The following MMD variants were observed in gnomAD, a reference collection of about 807,000 sequenced individuals.
MMD encodes monocyte to macrophage differentiation associated.
Under a neutral mutation model 33.6 loss-of-function variants are expected in MMD, and 22 were observed. The ratio of observed to expected loss-of-function variants is 0.66; its 90% CI spans 0.47 to 0.94. The LOEUF is 0.94. Ranked by LOEUF, MMD falls within the 40% of genes least tolerant of loss-of-function variation. MMD has a pLI of 0.00. For missense variants in MMD, 242 were observed against 309.8 expected (o/e 0.78, Z 1.64); for synonymous variants, 97 against 103.2 (o/e 0.94, Z 0.36).
In MMD at chr17:55,394,233, G is replaced by A. The variant is rs191010127; in HGVS notation, c.*101C>T. ...TATATTCAAAAGATATAAAGTCAGT[G>A]CAGTTATTTTTTTTCTTTCCCTGTG... On this transcript the variant is annotated 3_prime_UTR_variant, in exon 7 of 7. Transcript: ENST00000262065. 2.7e-4 allele frequency: 226 copies of A among 825,868 alleles called. 1 individual carries two copies. In the African/African-American group the frequency reaches 3.6e-3, roughly 13 times the overall value. 51.2% of individuals were successfully genotyped at this position (825,868 alleles called of 1,614,324 possible).
At position 55,398,969 on chromosome 17, in the gene MMD, G is replaced by A. The variant is rs139067226; in HGVS notation, c.516+2500C>T. Among the ~76,000 whole-genome samples, 632 of 152,282 alleles carry A rather than the reference G, an allele frequency of 4.2e-3. 6 individuals are homozygous for A. Among genetic ancestry groups the A allele is most frequent in the African/African-American group, 0.015 (612 of 41,538 alleles). On this transcript the variant is annotated intron_variant, in intron 6 of 6. Coordinates refer to ENST00000262065, the MANE Select transcript of MMD (RefSeq NM_012329.3). ...CGTACAACATTCAGCTTGATATCTG[G>A]ACAACGACTCACGGAAACTGCTTCA...
At chr17:55,396,872 C>T (rs1186218489) in intron 6 of MMD, among the ~76,000 whole-genome samples, 1 of 152,148 alleles carries the variant, frequency 6.6e-6, no homozygotes, top group African/African-American at 2.4e-5. Flanking sequence ...ACCTCGGCCT[C>T]CCAAAGTGCT....
chr17:55,403,706 G>A (rs1454146785), intron 5 of MMD, 61 bp downstream of exon 5: 2 of 1,182,078 alleles, frequency 1.7e-6, no homozygotes, highest in Non-Finnish European at 2.5e-6. Context: ...TTGTATTGCA[G>A]TGCAGATAAT....
At chr17:55,401,625 G>T in intron 5 of MMD, 87 bp from the exon 6 acceptor site, 1 of 1,138,194 alleles carries the variant, frequency 8.8e-7, no homozygotes, top group Non-Finnish European at 1.3e-6. Context: ...TTTTACTTTT[G>T]AGAAAGAAAT....
intron 1 of MMD, among the ~76,000 whole-genome samples, chr17:55,416,647 T>C (rs9912452): frequency 0.027 from 4,163 of 152,214 alleles, 207 homozygotes; most frequent in African/African-American, 0.096. Flanking sequence ...AAATCACTCC[T>C]AAAACCTAAA....
chr17:55,396,842 C>T (rs971302502), intron 6 of MMD, among the ~76,000 whole-genome samples: 1 of 151,894 alleles, frequency 6.6e-6, no homozygotes, highest in African/African-American at 2.4e-5. Context: ...GTCTCGAACT[C>T]CTGACCTCGT....
chr17:55,401,447 A>C (rs1249401875), intron 6 of MMD, 22 bp downstream of exon 6: 2 of 1,575,452 alleles, frequency 1.3e-6, no homozygotes, highest in Non-Finnish European at 1.7e-6. Flanking sequence ...AAAATAACTA[A>C]AATTCTGAAG....
At chr17:55,396,837 G>T (rs1021158003) in intron 6 of MMD, among the ~76,000 whole-genome samples, 1 of 151,726 alleles carries the variant, frequency 6.6e-6, no homozygotes, top group Non-Finnish European at 1.5e-5. Context: ...GGCTGGTCTC[G>T]AACTCCTGAC....
chr17:55,419,316 T>C (rs1324694073), intron 1 of MMD, among the ~76,000 whole-genome samples: 1 of 152,232 alleles, frequency 6.6e-6, no homozygotes, highest in Non-Finnish European at 1.5e-5. Context: ...TTTGTCTATG[T>C]GTGTGTAGGT....
chr17:55,399,079 C>G (rs896332428), intron 6 of MMD, among the ~76,000 whole-genome samples: 3 of 152,196 alleles, frequency 2.0e-5, no homozygotes, highest in Non-Finnish European at 1.5e-5. Context: ...GTAACCTGAA[C>G]TGTAATTTCT....
In MMD at chr17:55,394,436, G is replaced by A. The variant is rs776895494; in HGVS notation, c.615C>T (p.His205=). Reference sequence around the variant, plus strand: ...TGGCCACAAACAGGTGCCAGATGGCGTGGGCAAATGGAATGATGCCATCAC... The same window carrying A: ...TGGCCACAAACAGGTGCCAGATGGCATGGGCAAATGGAATGATGCCATCAC... ...FKSDGIIPFA[H]AIWHLFVATA... The change falls in exon 7 of 7, where the codon CAC becomes CAT. Residue 205 remains histidine, a synonymous_variant. Coordinates refer to ENST00000262065, the MANE Select transcript of MMD (RefSeq NM_012329.3). The A allele has an allele frequency of 2.0e-5, 31 of 1,529,096 alleles. No homozygotes were observed. The East Asian group carries it at 2.3e-4, about 11-fold the overall frequency. The allele number at this position is 1,529,096 out of a possible 1,614,324, so 94.7% of individuals were successfully genotyped here. A position where few individuals can be genotyped will look rare whatever the true frequency, so the allele number is the denominator to read the frequency against.
chr17:55,398,111 C>CAAAAA (rs57881926), intron 6 of MMD, among the ~76,000 whole-genome samples: 220 of 132,088 alleles, frequency 1.7e-3, no homozygotes, highest in African/African-American at 5.1e-3. Flanking sequence ...ATTATTTCTT[C>CAAAAA]AAAAAAAAAA....
intron 1 of MMD, among the ~76,000 whole-genome samples, chr17:55,418,645 A>G (rs960750172): frequency 6.6e-6 from 1 of 152,244 alleles, no homozygotes; most frequent in African/African-American, 2.4e-5. Flanking sequence ...TTGTTCAGGA[A>G]AAGTGTCTAC....
At chr17:55,417,579 C>T (rs1004761886) in intron 1 of MMD, among the ~76,000 whole-genome samples, 1 of 151,902 alleles carries the variant, frequency 6.6e-6, no homozygotes. Context: ...TTGCTTGAGC[C>T]CAAGAGTTTA....
At chr17:55,404,297 G>A (rs1337702387) in intron 4 of MMD, among the ~76,000 whole-genome samples, 1 of 152,014 alleles carries the variant, frequency 6.6e-6, no homozygotes, top group Non-Finnish European at 1.5e-5. Flanking sequence ...AGAGGTTGCA[G>A]TGAGCTGAGA....
intron 1 of MMD, among the ~76,000 whole-genome samples, chr17:55,415,567 A>G (rs1458969882): frequency 6.6e-6 from 1 of 152,222 alleles, no homozygotes; most frequent in African/African-American, 2.4e-5. Context: ...CATTTTAGAG[A>G]GTGCCAAGTT....
intron 4 of MMD, chr17:55,404,745 A>C: frequency 1.0e-6 from 1 of 985,312 alleles, no homozygotes; most frequent in Non-Finnish European, 1.2e-6. Context: ...CTGCAAATTC[A>C]TTTGTACTAA....
chr17:55,418,137 C>A (rs760917767), intron 1 of MMD, among the ~76,000 whole-genome samples: 1 of 152,260 alleles, frequency 6.6e-6, no homozygotes, highest in African/African-American at 2.4e-5. Flanking sequence ...GATGTCACCT[C>A]CTCAAGAGAG....
intron 3 of MMD, among the ~76,000 whole-genome samples, chr17:55,409,768 T>C (rs774205487): frequency 1.3e-5 from 2 of 152,204 alleles, no homozygotes; most frequent in Non-Finnish European, 2.9e-5. Context: ...CTGAAGTAGG[T>C]ACCTACAACT....
Sources: gnomAD v4.1 joint callset for allele counts (sites outside exome capture counted in the v4.1 genomes callset) on GRCh38, gnomAD v4.1.1 for gene constraint, MANE v1.5 for transcripts, NCBI Gene and HGNC (gene_info 2026-07-23, HGNC 2026-07-21) for gene names.